Variants in HEATR9 observed in about 807,000 individuals in gnomAD.
HEATR9 encodes the protein protein HEATR9.
Under a neutral mutation model 68.2 loss-of-function variants are expected in HEATR9, and 54 were observed. The observed-to-expected ratio is 0.79, with a 90% CI of 0.64 to 0.99. The LOEUF is 0.99. Among genes scored for constraint, HEATR9 ranks in the 50% least tolerant of loss-of-function variants. The probability of loss-of-function intolerance (pLI) is 0.00; values close to 1 mark genes in which losing one functional copy is unlikely to be tolerated. For missense variants in HEATR9, 662 were observed against 679.7 expected (o/e 0.97, Z 0.29); for synonymous variants, 241 against 253.5 (o/e 0.95, Z 0.47).
chr17:35,865,216 T>C lies in HEATR9; in HGVS notation c.319A>G (p.Arg107Gly). ...AATATGGAGGCCAGCAAAACACACC[T>C]ACAGTCATCTCTCATTTTCCTCAAC... ...KMLRKMRDDC[R>G]YIKEVHQTHI... Residue 107 changes from arginine to glycine, a missense_variant and splice_region_variant, in exon 3 of 15, where the codon AGG becomes GGG. Physicochemically the swap from Arg to Gly is moderately radical, Grantham distance 125. Coordinates refer to ENST00000604834, the MANE Select transcript of HEATR9 (RefSeq NM_152781.4). 1 of 1,613,108 alleles carries C rather than the reference T, an allele frequency of 6.2e-7. No individual in the cohort carries two copies. The highest frequency in any genetic ancestry group is 1.3e-5 in the African/African-American group (1 of 75,050).
At position 35,855,693 on chromosome 17, in the gene HEATR9, C is replaced by T; in HGVS notation, c.1336G>A (p.Ala446Thr). Residue 446 changes from alanine to threonine, a missense_variant, in exon 14 of 15, where the codon GCA becomes ACA. Physicochemically the swap from Ala to Thr is moderately conservative, Grantham distance 58. Transcript: ENST00000604834. ...TTCTTCACAGCCTGGTGGTTTTCTG[C>T]ATCTAGTAAGTCCAGGAGCAAGTGG... is the stretch of plus-strand genomic sequence containing the variant. ...VFHLLLDLLDAENHQAVKKSL... is the reference protein window; with the variant it reads ...VFHLLLDLLDTENHQAVKKSL... 1 of 1,614,114 alleles carries T rather than the reference C, an allele frequency of 6.2e-7. No individual in the cohort carries two copies. Among genetic ancestry groups the T allele is most frequent in the Non-Finnish European group, 8.5e-7 (1 of 1,180,016 alleles).
intron 7 of HEATR9, 94 bp downstream of exon 7, chr17:35,863,408 G>C: frequency 7.4e-7 from 1 of 1,348,076 alleles, no homozygotes; most frequent in Non-Finnish European, 1.1e-6. Context: ...TGGTAGGTTG[G>C]AGCAAGTGTA....
At chr17:35,857,466 T>C (rs1471808845) in intron 11 of HEATR9, among the ~76,000 whole-genome samples, 3 of 152,000 alleles carry the variant, frequency 2.0e-5, no homozygotes, top group Admixed American at 6.6e-5. Context: ...TCTTTAGAAA[T>C]ATAACACCTA....
chr17:35,861,503 C>G (rs538181763), intron 8 of HEATR9: 65 of 1,137,094 alleles, frequency 5.7e-5, no homozygotes, highest in Middle Eastern at 2.8e-4. Context: ...TCGTTGCGGA[C>G]AAACATCATG....
At chr17:35,867,641 CT>C (rs993917271) in intron 1 of HEATR9, among the ~76,000 whole-genome samples, 5 of 151,938 alleles carry the variant, frequency 3.3e-5, no homozygotes, top group African/African-American at 9.7e-5. Context: ...AGACTGCCCC[CT>C]AACCCTCAAT....
At position 35,864,308 on chromosome 17, in the gene HEATR9, G is replaced by C; in HGVS notation, c.511-6C>G. On this transcript the variant is annotated splice_polypyrimidine_tract_variant and splice_region_variant and intron_variant, in intron 5 of 14. Coordinates refer to ENST00000604834, the MANE Select transcript of HEATR9 (RefSeq NM_152781.4). Reference sequence around the variant, plus strand: ...ATGCGTAAGCATCCCAGAGCCTGCAGGAAGAGGGATGGAGGAAAGAGAAGG... The same window carrying C: ...ATGCGTAAGCATCCCAGAGCCTGCACGAAGAGGGATGGAGGAAAGAGAAGG... 6.2e-7 allele frequency: 1 copy of C among 1,610,540 alleles called. No homozygotes were observed. Among genetic ancestry groups the C allele is most frequent in the Middle Eastern group, 1.7e-4 (1 of 6,052 alleles).
chr17:35,865,137 C>A, intron 3 of HEATR9, 78 bp downstream of exon 3: 1 of 1,515,244 alleles, frequency 6.6e-7, no homozygotes. Context: ...TACTCCCTGG[C>A]CCACCCCTTC....
At chr17:35,861,318 T>G in intron 8 of HEATR9, 1 of 1,410,046 alleles carries the variant, frequency 7.1e-7, no homozygotes, top group East Asian at 2.3e-5. Context: ...TCCATAGCTC[T>G]TGCTAGTATT....
chr17:35,868,671 A>G lies in HEATR9; in HGVS notation c.72T>C (p.Tyr24=), dbSNP rs942450868. ...RSMFLYPWLE[Y]PDKTKELRKA... ...CAGCCTCACCTTTGGTCTTGTCTGG[A>G]TATTCCAGCCATGGGTACAGGAACA... The change falls in exon 1 of 15, where the codon TAT becomes TAC. Residue 24 remains tyrosine (Y), a synonymous_variant. Transcript: ENST00000604834. The G allele has an allele frequency of 6.2e-7, 1 of 1,613,978 alleles. No individual in the cohort carries two copies. The highest frequency in any genetic ancestry group is 1.3e-5 in the African/African-American group (1 of 74,894).
At chr17:35,863,393 C>T in intron 7 of HEATR9, 109 bp downstream of exon 7, 1 of 1,247,584 alleles carries the variant, frequency 8.0e-7, no homozygotes, top group Non-Finnish European at 1.2e-6. Context: ...TCAGGCCTTG[C>T]CAAATGGTAG....
intron 14 of HEATR9, 47 bp from the exon 15 acceptor site, chr17:35,855,457 C>A: frequency 6.4e-7 from 1 of 1,555,746 alleles, no homozygotes; most frequent in South Asian, 1.1e-5. Flanking sequence ...TGGGTTCAGG[C>A]TGGGAGGCTC....
chr17:35,856,828 C>T (rs752830755), intron 11 of HEATR9, 23 bp from the exon 12 acceptor site: 2 of 1,584,392 alleles, frequency 1.3e-6, no homozygotes, highest in African/African-American at 1.3e-5. Flanking sequence ...CAAAATGAGT[C>T]AACAGAGAGA....
At chr17:35,866,576 G>C in intron 2 of HEATR9, 148 bp downstream of exon 2, 1 of 728,722 alleles carries the variant, frequency 1.4e-6, no homozygotes, top group South Asian at 1.7e-5. Context: ...GGCTCTGAGG[G>C]GGAAAGTGAC....
Position 35,855,781 on chromosome 17 carries a change from A to C in HEATR9, c.1279-31T>G, listed in dbSNP as rs1230171714. On this transcript the variant is annotated intron_variant, in intron 13 of 14. Transcript: ENST00000604834. ...AGAGGCAGAGTGAGAGTGCCTATGT[A>C]GCCAGCCCCAGGAAGACACCTTATA... 3.2e-6 allele frequency: 5 copies of C among 1,569,726 alleles called. No individual in the cohort carries two copies. The African/African-American group carries it at 6.8e-5, about 21-fold the overall frequency.
Position 35,858,302 on chromosome 17 carries a change from G to A in HEATR9, c.1050C>T (p.Thr350=). The A allele has an allele frequency of 6.2e-7, 1 of 1,614,148 alleles. No homozygotes were observed. The highest frequency in any genetic ancestry group is 1.1e-5 in the South Asian group (1 of 91,076). Reference sequence around the variant, plus strand: ...CCAGCCCAATGGTCTTGAGCATTTGGGTGGCTTCAAAGCGGTCCTGAGGTC... The same window carrying A: ...CCAGCCCAATGGTCTTGAGCATTTGAGTGGCTTCAAAGCGGTCCTGAGGTC... ...SSVLEDRFEA[T]QMLKTIGLEQ... is the part of the protein sequence containing the mutation. Residue 350 remains threonine, a synonymous_variant, in exon 11 of 15, where the codon ACC becomes ACT. Transcript: ENST00000604834.
chr17:35,868,566 C>T, intron 1 of HEATR9, 89 bp downstream of exon 1: 1 of 1,583,168 alleles, frequency 6.3e-7, no homozygotes, highest in Non-Finnish European at 8.6e-7. Context: ...GCTGAACTCA[C>T]CTAGACCCTT....
Position 35,865,156 on chromosome 17 carries a change from T to C in HEATR9, c.320+59A>G, listed in dbSNP as rs1348705903. 5.7e-6 allele frequency: 9 copies of C among 1,567,562 alleles called. No homozygotes were observed. The East Asian group carries it at 2.0e-4, about 35-fold the overall frequency. ...CCCTGGCCCACCCCTTCCTTGCCCT[T>C]CCTCACTTTCCTAGAAGATGTGGAG... is the stretch of plus-strand genomic sequence containing the variant. On this transcript the variant is annotated intron_variant, in intron 3 of 14. Coordinates refer to ENST00000604834, the MANE Select transcript of HEATR9 (RefSeq NM_152781.4).
rs562464599 is a variant in HEATR9 at position 35,863,253 on chromosome 17, C to A, written c.626-128G>T. The A allele has an allele frequency of 6.2e-6, 8 of 1,285,886 alleles. No individual in the cohort carries two copies. In the South Asian group the frequency reaches 1.0e-4, roughly 17 times the overall value. The allele number at this position is 1,285,886 out of a possible 1,614,324, so 79.7% of individuals were successfully genotyped here. A position where few individuals can be genotyped will look rare whatever the true frequency, so the allele number is the denominator to read the frequency against. ...TCCTAGGTACCACAGTGTTGCTCAT[C>A]TTCCCAGGATACCAGGGCAGCTGGC... is the stretch of plus-strand genomic sequence containing the variant. On this transcript the variant is annotated intron_variant, in intron 7 of 14. Coordinates refer to ENST00000604834, the MANE Select transcript of HEATR9 (RefSeq NM_152781.4).
chr17:35,863,915 G>A, intron 6 of HEATR9: 1 of 535,474 alleles, frequency 1.9e-6, no homozygotes, highest in Non-Finnish European at 3.3e-6. Flanking sequence ...CATGTTCCCA[G>A]TGGTAAGCTG....
Sources: allele counts gnomAD v4.1 joint callset (sites outside exome capture counted in the v4.1 genomes callset), GRCh38; gene constraint gnomAD v4.1.1; transcripts MANE v1.5; gene names NCBI Gene and HGNC (gene_info 2026-07-23, HGNC 2026-07-21).